The following SMR3B variants were observed in gnomAD, a reference collection of about 807,000 sequenced individuals.
The protein encoded by SMR3B is submaxillary gland androgen-regulated protein 3B.
For synonymous variants in SMR3B, 42 were observed against 36.1 expected (o/e 1.16, Z -0.59); for missense variants, 114 against 99.9 (o/e 1.14, Z -0.60).
chr4:70,383,716 C>T (rs956279662), intron 1 of SMR3B, among the ~76,000 whole-genome samples: 2 of 152,106 alleles, frequency 1.3e-5, no homozygotes, highest in African/African-American at 4.8e-5. Flanking sequence ...ATTGCTCAGA[C>T]CACACACTCA....
chr4:70,383,882 T>A (rs1468024393), intron 1 of SMR3B, among the ~76,000 whole-genome samples: 1 of 152,154 alleles, frequency 6.6e-6, no homozygotes, highest in Non-Finnish European at 1.5e-5. Flanking sequence ...CTTGCCTTGG[T>A]CTCTGATATA....
chr4:70,384,721 C>A, intron 2 of SMR3B, 157 bp downstream of exon 2: 3 of 1,400,772 alleles, frequency 2.1e-6, no homozygotes, highest in Non-Finnish European at 2.9e-6. Flanking sequence ...AATTTAAAAT[C>A]TAATTTAAAT....
intron 2 of SMR3B, among the ~76,000 whole-genome samples, chr4:70,387,879 G>C (rs770118160): frequency 6.6e-6 from 1 of 152,218 alleles, no homozygotes; most frequent in South Asian, 2.1e-4. Context: ...TACAGTGCTT[G>C]TGACATCCTC....
At chr4:70,384,628 C>A (rs911236632) in intron 2 of SMR3B, 64 bp downstream of exon 2, 5 of 1,551,970 alleles carry the variant, frequency 3.2e-6, no homozygotes, top group African/African-American at 1.4e-5. Flanking sequence ...CTTCAGATTT[C>A]TTTTTACATT....
chr4:70,385,144 A>G (rs1452458490), intron 2 of SMR3B: 1 of 152,226 alleles, frequency 6.6e-6, no homozygotes, highest in African/African-American at 2.4e-5. Context: ...CAAAATTACA[A>G]AAATGTTTTT....
chr4:70,389,765 C>T lies in SMR3B; in HGVS notation c.157C>T (p.Pro53Ser). 6.2e-7 allele frequency: 1 copy of T among 1,614,036 alleles called. No individual in the cohort carries two copies. Among genetic ancestry groups the T allele is most frequent in the Non-Finnish European group, 8.5e-7 (1 of 1,179,988 alleles). Residue 53 changes from proline to serine, a missense_variant, in exon 3 of 3, where the codon CCC becomes TCC. Pro to Ser is a moderately conservative substitution (Grantham distance 74). Transcript: ENST00000304915. ...ATTTGTTCCACCACCTCCTCCTCCA[C>T]CCTATGGTCCAGGGAGAATCCCACC... ...PGFVPPPPPP[P>S]YGPGRIPPPP...
intron 2 of SMR3B, among the ~76,000 whole-genome samples, chr4:70,388,548 G>A (rs892167375): frequency 2.6e-5 from 4 of 152,020 alleles, no homozygotes; most frequent in East Asian, 1.9e-4. Context: ...TTTTATTAAC[G>A]TCATTTTTCT....
intron 2 of SMR3B, among the ~76,000 whole-genome samples, chr4:70,389,082 T>C (rs1732713988): frequency 6.6e-6 from 1 of 152,184 alleles, no homozygotes; most frequent in African/African-American, 2.4e-5. Context: ...GTGACTTAGA[T>C]ACAATGTAAT....
chr4:70,390,078 C>A lies in SMR3B; in HGVS notation c.*230C>A. 1 of 864,422 alleles carries A rather than the reference C, an allele frequency of 1.2e-6. No homozygotes were observed. Among genetic ancestry groups the A allele is most frequent in the Non-Finnish European group, 1.9e-6 (1 of 516,282 alleles). The allele number at this position is 864,422 out of a possible 1,614,324, so 53.5% of individuals were successfully genotyped here. A position where few individuals can be genotyped will look rare whatever the true frequency, so the allele number is the denominator to read the frequency against. On this transcript the variant is annotated 3_prime_UTR_variant, in exon 3 of 3. Coordinates refer to ENST00000304915, the MANE Select transcript of SMR3B (RefSeq NM_006685.4). ...ACCCAAAATATGAATTCCAACACTG[C>A]TTCCAAGAGACATTTACATAAAATT... is the stretch of plus-strand genomic sequence containing the variant.
chr4:70,384,732 A>T, intron 2 of SMR3B, 168 bp downstream of exon 2: 1 of 1,349,632 alleles, frequency 7.4e-7, no homozygotes, highest in Non-Finnish European at 9.9e-7. Context: ...TAATTTAAAT[A>T]ACCACACATG....
At chr4:70,386,198 G>C (rs978378926) in intron 2 of SMR3B, among the ~76,000 whole-genome samples, 2 of 151,174 alleles carry the variant, frequency 1.3e-5, no homozygotes, top group Non-Finnish European at 2.9e-5. Context: ...GCTTGAACCC[G>C]GGAGGTGGAC....
At position 70,388,142 on chromosome 4, in the gene SMR3B, C is replaced by A. The variant is rs1371928413; in HGVS notation, c.55-1521C>A. ...TTTCATTCTGTTTGGCATGTTCTCT[C>A]CTTATTTTATATTCTTTAAGCCTCT... is the stretch of plus-strand genomic sequence containing the variant. On this transcript the variant is annotated intron_variant, in intron 2 of 2. Coordinates refer to ENST00000304915, the MANE Select transcript of SMR3B (RefSeq NM_006685.4). 2.6e-5 allele frequency among the ~76,000 whole-genome samples: 4 copies of A among 152,164 alleles called. No individual in the cohort carries two copies. In the East Asian group the frequency reaches 5.8e-4, roughly 22 times the overall value.
At chr4:70,389,003 A>G (rs1449691290) in intron 2 of SMR3B, among the ~76,000 whole-genome samples, 3 of 152,158 alleles carry the variant, frequency 2.0e-5, no homozygotes, top group African/African-American at 4.8e-5. Flanking sequence ...CCCTGCTTTC[A>G]TTGAGAGCCT....
chr4:70,386,059 G>A (rs1477715814), intron 2 of SMR3B, among the ~76,000 whole-genome samples: 1 of 151,690 alleles, frequency 6.6e-6, no homozygotes, highest in South Asian at 2.1e-4. Context: ...GGTAACTTGA[G>A]GTTAGGGGTT....
chr4:70,383,914 A>G (rs185288568), intron 1 of SMR3B, among the ~76,000 whole-genome samples: 1 of 152,284 alleles, frequency 6.6e-6, no homozygotes, highest in African/African-American at 2.4e-5. Flanking sequence ...AAGCACTTTG[A>G]GACCACTCAT....
chr4:70,383,780 G>T (rs1732604165), intron 1 of SMR3B, among the ~76,000 whole-genome samples: 1 of 152,054 alleles, frequency 6.6e-6, no homozygotes, highest in Non-Finnish European at 1.5e-5. Context: ...GGTGTATGGA[G>T]TTGCTTTCCC....
intron 2 of SMR3B, among the ~76,000 whole-genome samples, chr4:70,387,163 T>C (rs1732679875): frequency 6.6e-6 from 1 of 152,156 alleles, no homozygotes; most frequent in South Asian, 2.1e-4. Flanking sequence ...ACAACAAGGG[T>C]ACCGGTGGTT....
rs753598635 is a variant in SMR3B at position 70,389,766 on chromosome 4, C to G, written c.158C>G (p.Pro53Arg). 1.2e-6 allele frequency: 2 copies of G among 1,613,960 alleles called. No homozygotes were observed. The highest frequency in any genetic ancestry group is 2.7e-5 in the African/African-American group (2 of 74,880). ...PGFVPPPPPP[P>R]YGPGRIPPPP... Reference sequence around the variant, plus strand: ...TTTGTTCCACCACCTCCTCCTCCACCCTATGGTCCAGGGAGAATCCCACCT... The same window carrying G: ...TTTGTTCCACCACCTCCTCCTCCACGCTATGGTCCAGGGAGAATCCCACCT... Residue 53 changes from proline to arginine, a missense_variant, in exon 3 of 3, where the codon CCC becomes CGC. Transcript: ENST00000304915.
At chr4:70,384,142 A>G (rs1297310199) in intron 1 of SMR3B, among the ~76,000 whole-genome samples, 1 of 152,132 alleles carries the variant, frequency 6.6e-6, no homozygotes, top group Non-Finnish European at 1.5e-5. Context: ...TTAAAATATC[A>G]AAATGTTCAA....
Sources: allele counts gnomAD v4.1 joint callset (sites outside exome capture counted in the v4.1 genomes callset), GRCh38; gene constraint gnomAD v4.1.1; transcripts MANE v1.5; gene names NCBI Gene and HGNC (gene_info 2026-07-23, HGNC 2026-07-21).